The following CNTN4 variants were observed in gnomAD, a reference collection of about 807,000 sequenced individuals.
CNTN4 encodes the protein contactin 4.
In CNTN4, 77 loss-of-function variants were observed where a neutral mutation model predicts 122.5. That is an observed-to-expected ratio of 0.63 (90% CI 0.52 to 0.76). CNTN4 has a LOEUF of 0.76. Among genes scored for constraint, CNTN4 ranks in the 30% least tolerant of loss-of-function variants. The probability of loss-of-function intolerance (pLI) is 0.00; values close to 1 mark genes in which losing one functional copy is unlikely to be tolerated. For synonymous variants in CNTN4, 512 were observed against 447.0 expected (o/e 1.15, Z -1.83); for missense variants, 1,256 against 1,259.1 (o/e 1.00, Z 0.04).
At chr3:2,289,267 C>T (rs1205264104) in intron 2 of CNTN4, among the ~76,000 whole-genome samples, 1 of 152,102 alleles carries the variant, frequency 6.6e-6, no homozygotes, top group African/African-American at 2.4e-5. Context: ...TCCCCTAAAA[C>T]CCAGAGAGAC....
chr3:2,574,536 G>C (rs1284590189), intron 4 of CNTN4, among the ~76,000 whole-genome samples: 1 of 152,090 alleles, frequency 6.6e-6, no homozygotes, highest in East Asian at 1.9e-4. Context: ...TTTTTCGCCA[G>C]ATGACTCAGT....
chr3:2,420,229 G>A (rs1393359969), intron 3 of CNTN4, among the ~76,000 whole-genome samples: 1 of 152,110 alleles, frequency 6.6e-6, no homozygotes, highest in African/African-American at 2.4e-5. Context: ...GTGGGAAATT[G>A]CACTGCTTAT....
chr3:2,186,522 G>A (rs1487042360), intron 2 of CNTN4, among the ~76,000 whole-genome samples: 3 of 152,292 alleles, frequency 2.0e-5, no homozygotes, highest in African/African-American at 4.8e-5. Context: ...TTCCACAATG[G>A]TTGAACTAGT....
intron 3 of CNTN4, among the ~76,000 whole-genome samples, chr3:2,568,382 A>G (rs1359371343): frequency 6.7e-6 from 1 of 150,228 alleles, no homozygotes; most frequent in Non-Finnish European, 1.5e-5. Context: ...CTCCTGGCTC[A>G]ATGAGAGAAA....
chr3:2,913,001 G>A (rs1294101931), intron 12 of CNTN4, among the ~76,000 whole-genome samples: 2 of 151,918 alleles, frequency 1.3e-5, no homozygotes, highest in Non-Finnish European at 2.9e-5. Flanking sequence ...AAAATACAAA[G>A]TTTAGCTGGA....
intron 2 of CNTN4, among the ~76,000 whole-genome samples, chr3:2,322,920 C>T: frequency 6.6e-6 from 1 of 152,002 alleles, no homozygotes; most frequent in East Asian, 1.9e-4. Context: ...GTTGCTGTCT[C>T]AGATTGGTGG....
intron 3 of CNTN4, among the ~76,000 whole-genome samples, chr3:2,498,436 C>T (rs989174719): frequency 6.6e-6 from 1 of 152,024 alleles, no homozygotes; most frequent in Non-Finnish European, 1.5e-5. Flanking sequence ...GCAATATTTT[C>T]GCTAATTTTT....
At chr3:2,523,893 T>C (rs976775568) in intron 3 of CNTN4, among the ~76,000 whole-genome samples, 3 of 152,116 alleles carry the variant, frequency 2.0e-5, no homozygotes, top group African/African-American at 7.2e-5. Context: ...GAAATTTCTA[T>C]TGTAAACCCC....
At chr3:2,840,617 G>T (rs4684362) in intron 7 of CNTN4, among the ~76,000 whole-genome samples, 65,588 of 90,598 alleles carry the variant, frequency 0.72, 26,421 homozygotes, top group East Asian at 0.91. Context: ...GAGAATGGCG[G>T]GAACCCGGGA....
intron 3 of CNTN4, among the ~76,000 whole-genome samples, chr3:2,475,216 ACAC>A (rs1405969188): frequency 6.6e-6 from 1 of 152,236 alleles, no homozygotes; most frequent in African/African-American, 2.4e-5. Context: ...ATGTCTCAAA[ACAC>A]TTGGAGATAA....
chr3:2,675,653 A>G (rs1430119849), intron 4 of CNTN4, among the ~76,000 whole-genome samples: 1 of 152,212 alleles, frequency 6.6e-6, no homozygotes, highest in Non-Finnish European at 1.5e-5. Flanking sequence ...ATGCTTAGTA[A>G]GTACACATTG....
At chr3:2,329,889 T>C (rs2043646082) in intron 2 of CNTN4, among the ~76,000 whole-genome samples, 1 of 152,192 alleles carries the variant, frequency 6.6e-6, no homozygotes, top group African/African-American at 2.4e-5. Flanking sequence ...TGCCACACTT[T>C]TTGACCAGAT....
At chr3:2,568,317 GAAAAAAAAA>G (rs770465722) in intron 3 of CNTN4, among the ~76,000 whole-genome samples, 2 of 71,034 alleles carry the variant, frequency 2.8e-5, no homozygotes, top group African/African-American at 1.0e-4. Flanking sequence ...GCAAGAATGT[GAAAAAAAAA>G]AAAAAAAAAA....
chr3:2,935,771 G>A (rs1259183839), intron 13 of CNTN4, among the ~76,000 whole-genome samples: 2 of 152,090 alleles, frequency 1.3e-5, no homozygotes, highest in East Asian at 1.9e-4. Context: ...AGGCTGAAAG[G>A]GCCATGCTGA....
intron 2 of CNTN4, among the ~76,000 whole-genome samples, chr3:2,162,065 CTTT>C (rs1256121027): frequency 6.6e-6 from 1 of 152,014 alleles, no homozygotes; most frequent in East Asian, 1.9e-4. Flanking sequence ...TAGTTTTATT[CTTT>C]TTCAATGAGA....
intron 2 of CNTN4, among the ~76,000 whole-genome samples, chr3:2,186,084 C>G (rs994482143): frequency 6.6e-6 from 1 of 151,788 alleles, no homozygotes; most frequent in South Asian, 2.1e-4. Flanking sequence ...TCCCCCTTCC[C>G]CCCACCCCAC....
At chr3:2,868,589 T>C (rs1389705658) in intron 8 of CNTN4, among the ~76,000 whole-genome samples, 1 of 152,178 alleles carries the variant, frequency 6.6e-6, no homozygotes, top group African/African-American at 2.4e-5. Flanking sequence ...CTGAGCATCC[T>C]TTCTACATAG....
chr3:3,030,134 A>G (rs1396444579), intron 15 of CNTN4, among the ~76,000 whole-genome samples: 1 of 152,174 alleles, frequency 6.6e-6, no homozygotes. Flanking sequence ...AGTGTTCTTC[A>G]GGTAAAGTGC....
intron 4 of CNTN4, among the ~76,000 whole-genome samples, chr3:2,606,949 C>T (rs2081283623): frequency 6.6e-6 from 1 of 152,178 alleles, no homozygotes; most frequent in African/African-American, 2.4e-5. Flanking sequence ...ATGAGCTTTA[C>T]AGATGCTAGC....
Sources: allele counts gnomAD v4.1 joint callset (sites outside exome capture counted in the v4.1 genomes callset), GRCh38; gene constraint gnomAD v4.1.1; transcripts MANE v1.5; gene names NCBI Gene and HGNC (gene_info 2026-07-23, HGNC 2026-07-21).